The following ARHGAP28 variants were observed in gnomAD, a reference collection of about 807,000 sequenced individuals.
The protein encoded by ARHGAP28 is Rho GTPase activating protein 28.
A neutral mutation model predicts 90.7 loss-of-function variants in ARHGAP28; 56 were observed. The ratio of observed to expected loss-of-function variants is 0.62; its 90% CI spans 0.50 to 0.77. ARHGAP28 has a LOEUF of 0.77. Ranked by LOEUF, ARHGAP28 falls within the 30% of genes least tolerant of loss-of-function variation. The pLI, the probability that ARHGAP28 is intolerant of heterozygous loss-of-function variation, is 0.00. For missense variants in ARHGAP28, 869 were observed against 900.9 expected (o/e 0.96, Z 0.45); for synonymous variants, 308 against 323.3 (o/e 0.95, Z 0.51).
intron 3 of ARHGAP28, among the ~76,000 whole-genome samples, chr18:6,841,194 T>TCTCTC (rs1555631514): frequency 1.7e-4 from 11 of 64,198 alleles, no homozygotes; most frequent in South Asian, 1.5e-3. Flanking sequence ...TCTCTCTCTC[T>TCTCTC]CTCTCTCTCC....
chr18:6,907,462 C>T (rs2143852064), intron 16 of ARHGAP28, among the ~76,000 whole-genome samples: 1 of 150,950 alleles, frequency 6.6e-6, no homozygotes, highest in South Asian at 2.1e-4. Flanking sequence ...CCATCTATAC[C>T]ATGGAATACT....
intron 17 of ARHGAP28, among the ~76,000 whole-genome samples, chr18:6,909,652 CAAAG>C (rs977153160): frequency 2.6e-5 from 4 of 152,118 alleles, no homozygotes; most frequent in African/African-American, 9.7e-5. Context: ...CTCTGCAAAA[CAAAG>C]AGAATACTGT....
intron 1 of ARHGAP28, among the ~76,000 whole-genome samples, chr18:6,751,005 C>G (rs1241681435): frequency 6.6e-6 from 1 of 152,044 alleles, no homozygotes; most frequent in Non-Finnish European, 1.5e-5. Flanking sequence ...TGATGTTACT[C>G]CTCTGTAGCT....
intron 1 of ARHGAP28, among the ~76,000 whole-genome samples, chr18:6,771,504 G>A (rs943401389): frequency 1.3e-5 from 2 of 152,216 alleles, no homozygotes; most frequent in Non-Finnish European, 2.9e-5. Context: ...TTCCTTAGAA[G>A]TGAGAGGGAA....
intron 2 of ARHGAP28, among the ~76,000 whole-genome samples, chr18:6,836,619 G>A (rs2056755580): frequency 6.6e-6 from 1 of 152,122 alleles, no homozygotes; most frequent in African/African-American, 2.4e-5. Context: ...GGAGGAGTTG[G>A]ACACCTGGAA....
intron 9 of ARHGAP28, chr18:6,875,041 C>G: frequency 6.6e-6 from 1 of 152,182 alleles, no homozygotes; most frequent in East Asian, 1.9e-4. Context: ...GAGTTGAAAC[C>G]AGCATTGTCT....
At chr18:6,735,933 G>A (rs900764263) in intron 1 of ARHGAP28, among the ~76,000 whole-genome samples, 29 of 152,186 alleles carry the variant, frequency 1.9e-4, no homozygotes, top group African/African-American at 5.8e-4. Context: ...GGTATGCGAC[G>A]TTGACATCTT....
chr18:6,879,005 T>G lies in ARHGAP28; in HGVS notation c.1290+2797T>G, dbSNP rs1390226950. Among the ~76,000 whole-genome samples the G allele has an allele frequency of 3.3e-5, 5 of 152,330 alleles. No individual in the cohort carries two copies. The East Asian group carries it at 9.7e-4, about 29-fold the overall frequency. On this transcript the variant is annotated intron_variant, in intron 10 of 17. Coordinates refer to ENST00000383472, the MANE Select transcript of ARHGAP28 (RefSeq NM_001366230.1). ...CTGTGGTCCGCTAGTGTATCATTAC[T>G]GTGAACGGTCTGGCCTGGCTTTGTG... is the stretch of plus-strand genomic sequence containing the variant.
intron 1 of ARHGAP28, among the ~76,000 whole-genome samples, chr18:6,784,177 G>T (rs1156783342): frequency 6.6e-6 from 1 of 152,110 alleles, no homozygotes; most frequent in Admixed American, 6.5e-5. Context: ...TTCAGCATAG[G>T]TCTCTGGGCT....
At chr18:6,874,530 A>C (rs755463630) in intron 9 of ARHGAP28, 1 of 152,220 alleles carries the variant, frequency 6.6e-6, no homozygotes, top group Non-Finnish European at 1.5e-5. Context: ...CACAATTAAA[A>C]TTCCTAGTCC....
At chr18:6,841,197 CTCTCTCCTCTCCTCTCTCT>C (rs1567966787) in intron 3 of ARHGAP28, among the ~76,000 whole-genome samples, 14 of 65,620 alleles carry the variant, frequency 2.1e-4, no homozygotes, top group African/African-American at 1.1e-3. Flanking sequence ...CTCTCTCTCT[CTCTCTCCTCTCCTCTCTCT>C]CTCTCTCCCC....
chr18:6,757,428 A>G (rs1192926123), intron 1 of ARHGAP28, among the ~76,000 whole-genome samples: 1 of 152,184 alleles, frequency 6.6e-6, no homozygotes, highest in Non-Finnish European at 1.5e-5. Flanking sequence ...AAGCTTGACC[A>G]GCTTTACATA....
intron 12 of ARHGAP28, among the ~76,000 whole-genome samples, chr18:6,887,597 A>AT (rs1186422200): frequency 2.6e-5 from 4 of 151,910 alleles, no homozygotes; most frequent in Non-Finnish European, 5.9e-5. Flanking sequence ...CACCCAGCTC[A>AT]TTTTTTGCAG....
rs551927298 is a variant in ARHGAP28, at chr18:6,819,829, A to G, written c.123-4933A>G. ...CCCCTTGAAGCATTTGAAACCAGAG[A>G]TAAATGAAAACTAATGTAAATTGCA... On this transcript the variant is annotated intron_variant, in intron 1 of 17. Transcript: ENST00000383472. Among the ~76,000 whole-genome samples the G allele has an allele frequency of 1.9e-3, 293 of 152,342 alleles. 2 individuals carry two copies. Among genetic ancestry groups the G allele is most frequent in the African/African-American group, 6.7e-3 (279 of 41,570 alleles).
In ARHGAP28 at chr18:6,729,857, C is replaced by T. The variant is rs1179032999; in HGVS notation, c.36C>T (p.Thr12=). 18 of 1,434,476 alleles carry T rather than the reference C, an allele frequency of 1.3e-5. No individual in the cohort carries two copies. The highest frequency in any genetic ancestry group is 1.6e-5 in the Non-Finnish European group (18 of 1,097,580). The allele number at this position is 1,434,476 out of a possible 1,614,324, so 88.9% of individuals were successfully genotyped here. The change falls in exon 1 of 18, where the codon ACC becomes ACT. Residue 12 remains threonine, a synonymous_variant. Coordinates refer to ENST00000383472, the MANE Select transcript of ARHGAP28 (RefSeq NM_001366230.1). ...EVEDSGGVVL[T]AYHSYARAQP... is the part of the protein sequence containing the mutation. ...AGGACTCGGGCGGCGTGGTGCTGAC[C>T]GCCTACCACTCGTACGCGCGCGCCC...
chr18:6,794,346 T>G (rs1006841361), intron 1 of ARHGAP28, among the ~76,000 whole-genome samples: 3 of 152,164 alleles, frequency 2.0e-5, no homozygotes, highest in African/African-American at 7.2e-5. Context: ...ACTAGAGAAA[T>G]TGTCCGTTCT....
At chr18:6,787,255 C>T (rs369445486) in intron 1 of ARHGAP28, among the ~76,000 whole-genome samples, 3 of 148,448 alleles carry the variant, frequency 2.0e-5, no homozygotes, top group Admixed American at 6.7e-5. Flanking sequence ...ATTGAAGTTG[C>T]CCTTGTAAAT....
At chr18:6,890,154 A>T in intron 13 of ARHGAP28, 69 bp downstream of exon 13, 1 of 1,541,690 alleles carries the variant, frequency 6.5e-7, no homozygotes, top group Non-Finnish European at 9.0e-7. Flanking sequence ...AGCCTCCATG[A>T]TTGGGCAACT....
intron 1 of ARHGAP28, among the ~76,000 whole-genome samples, chr18:6,797,810 C>G (rs563429562): frequency 6.6e-6 from 1 of 151,916 alleles, no homozygotes; most frequent in Non-Finnish European, 1.5e-5. Flanking sequence ...TACAGTCACG[C>G]GCCACCACAC....
Sources: gnomAD v4.1 joint callset for allele counts (sites outside exome capture counted in the v4.1 genomes callset) on GRCh38, gnomAD v4.1.1 for gene constraint, MANE v1.5 for transcripts, NCBI Gene and HGNC (gene_info 2026-07-23, HGNC 2026-07-21) for gene names.